SULF1: variants seen among roughly 807,000 people sequenced by gnomAD.
SULF1 encodes extracellular sulfatase Sulf-1.
SULF1 carries 46 observed loss-of-function variants against 110.5 expected under a neutral mutation model. The observed-to-expected ratio is 0.42, with a 90% CI of 0.33 to 0.53. The LOEUF is 0.53. Among genes scored for constraint, SULF1 ranks in the 20% least tolerant of loss-of-function variants. SULF1 has a pLI of 0.12. For missense variants in SULF1, 941 were observed against 1,094.2 expected (o/e 0.86, Z 1.98); for synonymous variants, 371 against 387.1 (o/e 0.96, Z 0.49).
At chr8:69,510,983 CACAT>C (rs1293674287) in intron 3 of SULF1, among the ~76,000 whole-genome samples, 37 of 136,042 alleles carry the variant, frequency 2.7e-4, no homozygotes, top group Admixed American at 2.5e-3. Flanking sequence ...CACACACACA[CACAT>C]ATTGTCAATG....
At chr8:69,592,854 G>A (rs1386311738) in intron 8 of SULF1, 2 of 903,870 alleles carry the variant, frequency 2.2e-6, no homozygotes, top group Non-Finnish European at 2.7e-6. Context: ...ATTGTGACAT[G>A]ACAGACCTCT....
At chr8:69,570,992 C>G (rs1259079534) in intron 5 of SULF1, among the ~76,000 whole-genome samples, 1 of 152,238 alleles carries the variant, frequency 6.6e-6, no homozygotes, top group Non-Finnish European at 1.5e-5. Context: ...GCATTTGTGT[C>G]TGGCTCCCAC....
rs1284929004 is a variant in SULF1 at position 69,629,507 on chromosome 8, G to A, written c.2112G>A (p.Glu704=). The A allele has an allele frequency of 6.2e-7, 1 of 1,611,048 alleles. No homozygotes were observed. The change falls in exon 19 of 23, where the codon GAG becomes GAA. Residue 704 remains glutamate, a synonymous_variant. Coordinates refer to ENST00000402687, the MANE Select transcript of SULF1 (RefSeq NM_001128205.2). The part of the protein sequence containing the change: ...KLKSHLHPFK[E]AAQEVDSKLQ... ...ATAATCCCTTCTCTTGGAACAGGGA[G>A]GCTGCTCAGGAAGTAGATAGCAAAC...
chr8:69,656,854 G>A (rs777578839), intron 22 of SULF1, among the ~76,000 whole-genome samples: 9 of 152,180 alleles, frequency 5.9e-5, no homozygotes, highest in African/African-American at 9.6e-5. Flanking sequence ...GGGATTGCTG[G>A]GTCAAATGGT....
chr8:69,612,232 T>C (rs575277191), intron 13 of SULF1, among the ~76,000 whole-genome samples: 25 of 152,336 alleles, frequency 1.6e-4, no homozygotes, highest in African/African-American at 6.0e-4. Context: ...ATACCACATT[T>C]TCTTTATGCA....
intron 22 of SULF1, among the ~76,000 whole-genome samples, chr8:69,650,731 A>G (rs970656744): frequency 2.0e-5 from 3 of 152,202 alleles, no homozygotes; most frequent in Admixed American, 6.5e-5. Flanking sequence ...TGATGATTAA[A>G]GTGTCTTAGA....
intron 5 of SULF1, among the ~76,000 whole-genome samples, chr8:69,575,158 G>A (rs142796883): frequency 3.6e-4 from 54 of 150,116 alleles, no homozygotes; most frequent in African/African-American, 1.1e-3. Flanking sequence ...GTTTGGATGT[G>A]TTTCAGCTGC....
intron 1 of SULF1, among the ~76,000 whole-genome samples, chr8:69,472,293 A>G (rs763460113): frequency 4.6e-5 from 7 of 152,202 alleles, no homozygotes; most frequent in Non-Finnish European, 7.3e-5. Context: ...AAGAAATATT[A>G]ATAAAAACTT....
chr8:69,553,532 A>G (rs1343410717), intron 3 of SULF1, among the ~76,000 whole-genome samples: 1 of 152,218 alleles, frequency 6.6e-6, no homozygotes, highest in East Asian at 1.9e-4. Context: ...AACTATTAAT[A>G]TTTTGAAATT....
At chr8:69,652,687 C>CTCTACAAGAGTA (rs1812430617) in intron 22 of SULF1, among the ~76,000 whole-genome samples, 1 of 152,220 alleles carries the variant, frequency 6.6e-6, no homozygotes, top group Non-Finnish European at 1.5e-5. Flanking sequence ...TGTATACAGA[C>CTCTACAAGAGTA]TGTAGCCTAC....
At chr8:69,644,938 T>G (rs1244949452) in intron 22 of SULF1, among the ~76,000 whole-genome samples, 1 of 152,158 alleles carries the variant, frequency 6.6e-6, no homozygotes, top group East Asian at 1.9e-4. Context: ...ATTTTAAAGC[T>G]GTCTTACTAG....
chr8:69,596,353 T>C (rs1807330418), intron 8 of SULF1, among the ~76,000 whole-genome samples: 1 of 152,062 alleles, frequency 6.6e-6, no homozygotes, highest in Admixed American at 6.6e-5. Flanking sequence ...AATTTGCAAA[T>C]GATAGTCTGG....
intron 14 of SULF1, among the ~76,000 whole-genome samples, chr8:69,622,604 A>G (rs1013631383): frequency 2.0e-5 from 3 of 152,034 alleles, no homozygotes; most frequent in Non-Finnish European, 1.5e-5. Flanking sequence ...AAAAATTAAT[A>G]AGGGACGAGG....
At chr8:69,478,481 T>C (rs1395540950) in intron 1 of SULF1, among the ~76,000 whole-genome samples, 1 of 152,130 alleles carries the variant, frequency 6.6e-6, no homozygotes, top group Non-Finnish European at 1.5e-5. Flanking sequence ...GTTCAACATG[T>C]CCTGAATTTA....
intron 1 of SULF1, among the ~76,000 whole-genome samples, chr8:69,486,929 C>A (rs987923866): frequency 6.6e-6 from 1 of 152,200 alleles, no homozygotes; most frequent in African/African-American, 2.4e-5. Flanking sequence ...TTAATATGTT[C>A]TTTGTTGATT....
At chr8:69,547,416 T>A (rs1441162896) in intron 3 of SULF1, among the ~76,000 whole-genome samples, 1 of 152,198 alleles carries the variant, frequency 6.6e-6, no homozygotes, top group Non-Finnish European at 1.5e-5. Flanking sequence ...TTATTATCAA[T>A]GTAAGGTCAG....
intron 19 of SULF1, among the ~76,000 whole-genome samples, chr8:69,630,982 C>CAT (rs1448785905): frequency 1.3e-5 from 2 of 151,074 alleles, no homozygotes; most frequent in Non-Finnish European, 3.0e-5. Context: ...CCCCACCCTG[C>CAT]AACAGTCCCC....
At chr8:69,533,418 A>C (rs992200627) in intron 3 of SULF1, among the ~76,000 whole-genome samples, 15 of 151,910 alleles carry the variant, frequency 9.9e-5, no homozygotes, top group South Asian at 4.2e-4. Flanking sequence ...CCCCTCCCCC[A>C]GTGGGCCCTG....
At chr8:69,631,516 C>A (rs1477854042) in intron 19 of SULF1, among the ~76,000 whole-genome samples, 1 of 152,192 alleles carries the variant, frequency 6.6e-6, no homozygotes, top group African/African-American at 2.4e-5. Flanking sequence ...TGATCGTGCC[C>A]TCACACTCCA....
Sources: gnomAD v4.1 joint callset for allele counts (sites outside exome capture counted in the v4.1 genomes callset) on GRCh38, gnomAD v4.1.1 for gene constraint, MANE v1.5 for transcripts, NCBI Gene and HGNC (gene_info 2026-07-23, HGNC 2026-07-21) for gene names.